LEF1: variants seen among roughly 807,000 people sequenced by gnomAD.
The protein encoded by LEF1 is lymphoid enhancer binding factor 1, also known as lymphoid enhancer-binding factor 1.
A neutral mutation model predicts 51.2 loss-of-function variants in LEF1; 14 were observed. The ratio of observed to expected loss-of-function variants is 0.27; its 90% CI spans 0.18 to 0.43. The LOEUF (loss-of-function observed/expected upper bound fraction) is 0.43. LEF1 is among the 20% of genes least tolerant of loss of function. The probability of loss-of-function intolerance (pLI) is 1.00; values close to 1 mark genes in which losing one functional copy is unlikely to be tolerated. For missense variants in LEF1, 386 were observed against 512.0 expected, an observed-to-expected ratio of 0.75 and a Z score of 2.37; for synonymous variants, 185 against 183.2, an observed-to-expected ratio of 1.01 and a Z score of -0.08.
At chr4:108,166,924 T>C in intron 1 of LEF1, 1 of 652,664 alleles carries the variant, frequency 1.5e-6, no homozygotes, top group Non-Finnish European at 1.9e-6. Flanking sequence ...GCCCAGGCGC[T>C]GGGGCCGCAG....
intron 11 of LEF1, among the ~76,000 whole-genome samples, chr4:108,054,974 T>A (rs552088619): frequency 6.6e-6 from 1 of 152,368 alleles, no homozygotes; most frequent in South Asian, 2.1e-4. Flanking sequence ...TGGCTCTCAG[T>A]AACATGGTAG....
rs773021504 is a variant in LEF1, at chr4:108,064,339, A to T, written c.1162T>A (p.Ser388Thr). ...TGGAAAGTCTCATGGTGCCTACCTG[A>T]TGCAGATTCCTGTAGTTTCTCTCTC... is the stretch of plus-strand genomic sequence containing the variant. The part of the protein sequence containing the change: ...RKREKLQESA[S>T]GTGPRMTAAY... Residue 388 changes from serine to threonine, a missense_variant, in exon 10 of 12, where the codon TCA becomes ACA. By Grantham distance (58) the Ser-to-Thr change is moderately conservative (BLOSUM62 1). Transcript: ENST00000265165. The T allele has an allele frequency of 1.9e-6, 3 of 1,611,304 alleles. No homozygotes were observed. Among genetic ancestry groups the T allele is most frequent in the Non-Finnish European group, 2.5e-6 (3 of 1,177,514 alleles).
At chr4:108,107,108 G>A (rs904568956) in intron 3 of LEF1, among the ~76,000 whole-genome samples, 4 of 152,138 alleles carry the variant, frequency 2.6e-5, no homozygotes, top group Admixed American at 6.5e-5. Flanking sequence ...CGAAAGGAGT[G>A]AGCCTTTAAA....
chr4:108,105,499 C>T (rs1741106965), intron 3 of LEF1, among the ~76,000 whole-genome samples: 1 of 152,094 alleles, frequency 6.6e-6, no homozygotes, highest in African/African-American at 2.4e-5. Context: ...CTTTTAATAT[C>T]CACTCCTTAA....
chr4:108,116,771 GT>G (rs1459543907), intron 3 of LEF1, among the ~76,000 whole-genome samples: 1 of 152,194 alleles, frequency 6.6e-6, no homozygotes, highest in East Asian at 1.9e-4. Flanking sequence ...TGCCCTGTGT[GT>G]TTTCACATCC....
chr4:108,132,091 C>A (rs1742934356), intron 3 of LEF1, among the ~76,000 whole-genome samples: 1 of 152,034 alleles, frequency 6.6e-6, no homozygotes, highest in Non-Finnish European at 1.5e-5. Flanking sequence ...ATGTGCCTAC[C>A]CTTAATAAGG....
chr4:108,162,754 G>T (rs139849398), intron 3 of LEF1, among the ~76,000 whole-genome samples: 2 of 152,054 alleles, frequency 1.3e-5, no homozygotes, highest in Non-Finnish European at 2.9e-5. Flanking sequence ...TAAAAAGTCC[G>T]TCACCAACGC....
At chr4:108,072,422 C>G (rs559034379) in intron 8 of LEF1, among the ~76,000 whole-genome samples, 2 of 152,302 alleles carry the variant, frequency 1.3e-5, no homozygotes, top group Non-Finnish European at 1.5e-5. Context: ...ACCACCAGTG[C>G]GAGAAGCAGC....
chr4:108,095,328 T>C (rs1000944359), intron 3 of LEF1, among the ~76,000 whole-genome samples: 1 of 152,214 alleles, frequency 6.6e-6, no homozygotes, highest in Non-Finnish European at 1.5e-5. Context: ...TTATATACTC[T>C]GGCACTCGTC....
intron 9 of LEF1, 95 bp from the exon 10 acceptor site, chr4:108,064,479 G>A (rs1578295917): frequency 4.6e-6 from 4 of 860,314 alleles, no homozygotes; most frequent in Admixed American, 4.2e-5. Flanking sequence ...TCAACAAAGA[G>A]GTAAAGATGA....
intron 3 of LEF1, among the ~76,000 whole-genome samples, chr4:108,092,674 C>T (rs966447013): frequency 5.5e-5 from 7 of 126,910 alleles, no homozygotes; most frequent in East Asian, 2.1e-4. Context: ...AGTAGGTAAG[C>T]GGAAGAATAA....
chr4:108,103,788 C>A (rs900284965), intron 3 of LEF1, among the ~76,000 whole-genome samples: 1 of 152,180 alleles, frequency 6.6e-6, no homozygotes, highest in Non-Finnish European at 1.5e-5. Context: ...TAATTTAACT[C>A]CCTCTTCCTC....
rs762473612 is a variant in LEF1, at chr4:108,165,107, G to T, written c.270C>A (p.His90Gln). 2.0e-5 allele frequency: 33 copies of T among 1,613,948 alleles called. 1 individual carries two copies. In the South Asian group the frequency reaches 3.4e-4, roughly 17 times the overall value. ...GAATGGGTGTCTTACCGTCATCGGG[G>T]TGTTCTCTGGCCTTGTCGTGGTAGG... The part of the protein sequence containing the change: ...QEPYHDKARE[H>Q]PDDGKHPDGG... Residue 90 changes from histidine (H) to glutamine (Q), a missense_variant, in exon 2 of 12, where the codon CAC becomes CAA. By Grantham distance (24) the His-to-Gln change is conservative (BLOSUM62 0). This residue lies in a region of LEF1 where 335 missense variants were observed against 390.7 expected (regional missense o/e 0.86). Transcript: ENST00000265165.
chr4:108,108,393 G>GTATA (rs1741308631), intron 3 of LEF1, among the ~76,000 whole-genome samples: 1 of 152,122 alleles, frequency 6.6e-6, no homozygotes, highest in Non-Finnish European at 1.5e-5. Context: ...CTCACTCGTA[G>GTATA]TATACCCTTT....
intron 3 of LEF1, among the ~76,000 whole-genome samples, chr4:108,152,472 G>T (rs992870664): frequency 2.0e-5 from 3 of 152,176 alleles, no homozygotes; most frequent in African/African-American, 4.8e-5. Context: ...GAGATCTGAC[G>T]AGAGGTGAAC....
At chr4:108,157,773 T>C (rs1247139584) in intron 3 of LEF1, among the ~76,000 whole-genome samples, 1 of 152,222 alleles carries the variant, frequency 6.6e-6, no homozygotes, top group Non-Finnish European at 1.5e-5. Flanking sequence ...ATTGAAGGCA[T>C]GTGAGTACCA....
At chr4:108,080,416 G>A (rs1739207976) in intron 6 of LEF1, among the ~76,000 whole-genome samples, 1 of 152,096 alleles carries the variant, frequency 6.6e-6, no homozygotes, top group Non-Finnish European at 1.5e-5. Context: ...ATTTAATTCA[G>A]CAAGAACAAC....
chr4:108,064,686 C>T (rs1407960242), intron 9 of LEF1, among the ~76,000 whole-genome samples: 1 of 19,518 alleles, frequency 5.1e-5, no homozygotes, highest in Non-Finnish European at 3.7e-4. Flanking sequence ...CACACACACA[C>T]ACACACAATG....
intron 11 of LEF1, among the ~76,000 whole-genome samples, chr4:108,062,420 A>T (rs1737756956): frequency 6.6e-6 from 1 of 152,066 alleles, no homozygotes; most frequent in Non-Finnish European, 1.5e-5. Flanking sequence ...CCATGTGGGG[A>T]ACTGCTAATA....
Sources: gnomAD v4.1 joint callset for allele counts (sites outside exome capture counted in the v4.1 genomes callset) on GRCh38, gnomAD v4.1.1 for gene constraint, gnomAD v4.1.1 regional missense constraint, MANE v1.5 for transcripts, NCBI Gene and HGNC (gene_info 2026-07-23, HGNC 2026-07-21) for gene names.